GPHN: variants seen among roughly 807,000 people sequenced by gnomAD.
GPHN encodes gephyrin.
A neutral mutation model predicts 95.5 loss-of-function variants in GPHN; 17 were observed. The observed-to-expected ratio is 0.18, with a 90% CI of 0.12 to 0.27. The LOEUF is 0.27. Among genes scored for constraint, GPHN ranks in the 10% least tolerant of loss-of-function variants. GPHN has a pLI of 1.00. For synonymous variants in GPHN, 320 were observed against 322.5 expected (o/e 0.99, Z 0.08); for missense variants, 660 against 978.1 (o/e 0.67, Z 4.34).
chr14:67,636,295 C>T, the GPHN span, among the ~76,000 whole-genome samples: 1 of 151,880 alleles, frequency 6.6e-6, no homozygotes, highest in South Asian at 2.1e-4. Flanking sequence ...AAAAACAAAA[C>T]CTTACTCATC....
the GPHN span, among the ~76,000 whole-genome samples, chr14:67,315,029 G>A: frequency 6.6e-6 from 1 of 152,148 alleles, no homozygotes; most frequent in Admixed American, 6.5e-5. Context: ...GATTGCATGA[G>A]GCTGGAAGGT....
At chr14:67,117,772 A>G (rs2078775631) in intron 16 of GPHN, among the ~76,000 whole-genome samples, 1 of 152,222 alleles carries the variant, frequency 6.6e-6, no homozygotes, top group African/African-American at 2.4e-5. Flanking sequence ...TAACAAAAAC[A>G]ATATCAGCTG....
At chr14:67,559,782 G>A in the GPHN span, 4 of 805,918 alleles carry the variant, frequency 5.0e-6, no homozygotes, top group South Asian at 2.9e-5. Context: ...TGTCTAGGGT[G>A]CCTCGGCTGA....
chr14:66,723,044 T>C (rs1368799390), intron 2 of GPHN, among the ~76,000 whole-genome samples: 1 of 152,030 alleles, frequency 6.6e-6, no homozygotes, highest in Non-Finnish European at 1.5e-5. Flanking sequence ...ATATAGGGTT[T>C]TTTCCTGATT....
intron 2 of GPHN, among the ~76,000 whole-genome samples, chr14:66,711,510 A>G (rs947483829): frequency 6.6e-6 from 1 of 151,532 alleles, no homozygotes; most frequent in Admixed American, 6.6e-5. Flanking sequence ...TGCGTGTCCA[A>G]GTGTCTTTTT....
At chr14:67,011,403 C>T (rs1026035423) in intron 9 of GPHN, among the ~76,000 whole-genome samples, 2 of 149,614 alleles carry the variant, frequency 1.3e-5, no homozygotes, top group Non-Finnish European at 3.0e-5. Context: ...GGTGACCCCA[C>T]CTCTACAAAA....
intron 1 of GPHN, among the ~76,000 whole-genome samples, chr14:66,618,273 T>C (rs977902651): frequency 3.3e-5 from 5 of 152,196 alleles, no homozygotes; most frequent in African/African-American, 1.2e-4. Flanking sequence ...TCATAAAAGT[T>C]CCACATGTTG....
the GPHN span, among the ~76,000 whole-genome samples, chr14:67,372,503 A>G: frequency 6.6e-6 from 1 of 152,204 alleles, no homozygotes; most frequent in Non-Finnish European, 1.5e-5. Context: ...AAGACAAACC[A>G]GCATATTTTA....
intron 1 of GPHN, among the ~76,000 whole-genome samples, chr14:66,680,225 C>T (rs78969404): frequency 0.16 from 24,921 of 152,178 alleles, 2,362 homozygotes; most frequent in Non-Finnish European, 0.22. Flanking sequence ...GGAGATTTTA[C>T]TCTACCTTTC....
chr14:67,000,854 G>A (rs1038482857), intron 9 of GPHN, among the ~76,000 whole-genome samples: 2 of 151,540 alleles, frequency 1.3e-5, no homozygotes, highest in Admixed American at 1.3e-4. Context: ...TCTAATTAAA[G>A]CATTCTTTAA....
the GPHN span, among the ~76,000 whole-genome samples, chr14:67,461,808 G>A: frequency 2.0e-5 from 3 of 152,354 alleles, no homozygotes; most frequent in Admixed American, 6.5e-5. Flanking sequence ...AGAACAGATT[G>A]AGTGAAAGTC....
intron 1 of GPHN, among the ~76,000 whole-genome samples, chr14:66,535,256 T>C (rs900112152): frequency 6.6e-6 from 1 of 152,108 alleles, no homozygotes; most frequent in Admixed American, 6.5e-5. Context: ...CCTTAAACCA[T>C]TGGATTATAG....
At chr14:66,922,492 A>G (rs548265765) in intron 6 of GPHN, among the ~76,000 whole-genome samples, 174 bp from the exon 7 acceptor site, 6 of 152,172 alleles carry the variant, frequency 3.9e-5, no homozygotes, top group Admixed American at 1.3e-4. Flanking sequence ...ATGCTATAAC[A>G]TATTTTATGC....
At chr14:67,655,193 T>C in the GPHN span, among the ~76,000 whole-genome samples, 3 of 151,576 alleles carry the variant, frequency 2.0e-5, no homozygotes, top group Non-Finnish European at 4.4e-5. Flanking sequence ...TTAAAACAAT[T>C]AGCCAGGCAC....
intron 9 of GPHN, among the ~76,000 whole-genome samples, chr14:67,002,762 C>A (rs1302744241): frequency 1.3e-5 from 2 of 151,402 alleles, no homozygotes; most frequent in Admixed American, 1.3e-4. Flanking sequence ...TGTGTAAGTA[C>A]TCAATAAATA....
the GPHN span, among the ~76,000 whole-genome samples, chr14:67,546,087 A>G: frequency 1.3e-5 from 2 of 152,220 alleles, no homozygotes; most frequent in African/African-American, 4.8e-5. Flanking sequence ...GGAGAACATG[A>G]GGGGACATGT....
chr14:66,808,845 G>A (rs1475304984), intron 3 of GPHN, among the ~76,000 whole-genome samples: 1 of 152,218 alleles, frequency 6.6e-6, no homozygotes, highest in African/African-American at 2.4e-5. Context: ...TTGGAACACA[G>A]AGGAAACAGT....
chr14:67,105,918 G>A (rs1162512089), intron 13 of GPHN, among the ~76,000 whole-genome samples: 13 of 152,050 alleles, frequency 8.5e-5, no homozygotes, highest in Admixed American at 8.5e-4. Context: ...GTTTATCATT[G>A]CAGTTGGGTG....
the GPHN span, among the ~76,000 whole-genome samples, chr14:67,347,177 G>C: frequency 6.6e-6 from 1 of 152,052 alleles, no homozygotes; most frequent in African/African-American, 2.4e-5. Context: ...TAGAGATGGA[G>C]ATTTGCCTGC....
Sources: gnomAD v4.1 joint callset for allele counts (sites outside exome capture counted in the v4.1 genomes callset) on GRCh38, gnomAD v4.1.1 for gene constraint, MANE v1.5 for transcripts, NCBI Gene and HGNC (gene_info 2026-07-23, HGNC 2026-07-21) for gene names.